NBEA: variants seen among roughly 807,000 people sequenced by gnomAD.
NBEA encodes neurobeachin.
In NBEA, 44 loss-of-function variants were observed where a neutral mutation model predicts 343.4. The ratio of observed to expected loss-of-function variants is 0.13; its 90% CI spans 0.10 to 0.16. The LOEUF (loss-of-function observed/expected upper bound fraction) is 0.16. NBEA is among the 10% of genes least tolerant of loss of function. NBEA has a pLI of 1.00. For missense variants in NBEA, 2,555 were observed against 3,631.3 expected, an observed-to-expected ratio of 0.70 and a Z score of 7.62; for synonymous variants, 1,175 against 1,238.7, an observed-to-expected ratio of 0.95 and a Z score of 1.08.
chr13:35,577,454 T>C (rs1156338111), intron 45 of NBEA, among the ~76,000 whole-genome samples: 1 of 152,222 alleles, frequency 6.6e-6, no homozygotes, highest in East Asian at 1.9e-4. Flanking sequence ...TTGGCATTTA[T>C]TATTCTGTGA....
intron 41 of NBEA, among the ~76,000 whole-genome samples, chr13:35,512,056 C>T (rs1594845933): frequency 6.6e-6 from 1 of 152,122 alleles, no homozygotes; most frequent in African/African-American, 2.4e-5. Context: ...ATATTCTATT[C>T]AGGAATTTTT....
rs760637150 is a variant in NBEA, at chr13:35,668,444, G to C, written c.8738G>C (p.Cys2913Ser). Reference sequence around the variant, plus strand: ...GGGGTAGTAGAGGTCTGGCAGGCCTGTGACTTCAAGCAACTGTACATTTAC... The same window carrying C: ...GGGGTAGTAGAGGTCTGGCAGGCCTCTGACTTCAAGCAACTGTACATTTAC... ...DNGVVEVWQA[C>S]DFKQLYIYPG... The change falls in exon 58 of 59, where the codon TGT becomes TCT. Residue 2913 changes from cysteine (C) to serine (S), a missense_variant. Cys to Ser is a moderately radical substitution (Grantham distance 112). Around this residue, in one of 21 missense-constraint regions of NBEA, gnomAD observed 186 missense variants for 328.9 expected, o/e 0.57. Coordinates refer to ENST00000379939, the MANE Select transcript of NBEA (RefSeq NM_001385012.1). 4.6e-5 allele frequency: 75 copies of C among 1,613,516 alleles called. No homozygotes were observed. Among genetic ancestry groups the C allele is most frequent in the Non-Finnish European group, 5.6e-5 (66 of 1,179,700 alleles).
At chr13:35,635,067 CA>C (rs2083638306) in intron 49 of NBEA, among the ~76,000 whole-genome samples, 1 of 151,934 alleles carries the variant, frequency 6.6e-6, no homozygotes, top group African/African-American at 2.4e-5. Context: ...ATTTATAAGA[CA>C]AAAAATTAAC....
intron 38 of NBEA, among the ~76,000 whole-genome samples, chr13:35,394,386 G>T (rs985747516): frequency 6.6e-6 from 1 of 151,336 alleles, no homozygotes; most frequent in Non-Finnish European, 1.5e-5. Context: ...TGGTGTTAGA[G>T]TAGAGCTTCA....
chr13:35,138,031 G>C (rs1399755686), intron 17 of NBEA, among the ~76,000 whole-genome samples: 1 of 152,006 alleles, frequency 6.6e-6, no homozygotes. Flanking sequence ...CTCATAATTA[G>C]TAGAAAAAAG....
At chr13:35,411,765 A>C (rs890681065) in intron 38 of NBEA, among the ~76,000 whole-genome samples, 1 of 151,948 alleles carries the variant, frequency 6.6e-6, no homozygotes, top group African/African-American at 2.4e-5. Flanking sequence ...CCCAAAGTGC[A>C]AGGATTACAG....
chr13:35,419,679 A>T (rs550606738), intron 38 of NBEA, among the ~76,000 whole-genome samples: 1 of 152,150 alleles, frequency 6.6e-6, no homozygotes, highest in East Asian at 1.9e-4. Flanking sequence ...TGAGTGCCAC[A>T]TTTTTAAATA....
At position 35,254,473 on chromosome 13, in the gene NBEA, A is replaced by T. The variant is rs1340038785; in HGVS notation, c.5776+21854A>T. On this transcript the variant is annotated intron_variant, in intron 34 of 58. Transcript: ENST00000379939. Reference sequence around the variant, plus strand: ...CCTGGGACAACAGGTGTGCACCACCACACTCAGCTAATTTTTTAAAAAATT... The same window carrying T: ...CCTGGGACAACAGGTGTGCACCACCTCACTCAGCTAATTTTTTAAAAAATT... Among the ~76,000 whole-genome samples the T allele has an allele frequency of 6.6e-5, 10 of 151,838 alleles. No individual in the cohort carries two copies. The East Asian group carries it at 1.9e-3, about 30-fold the overall frequency.
intron 38 of NBEA, among the ~76,000 whole-genome samples, chr13:35,387,726 T>G (rs760133807): frequency 4.0e-5 from 6 of 151,562 alleles, no homozygotes; most frequent in Admixed American, 6.6e-5. Flanking sequence ...GTATAATTAC[T>G]TTTTGCTAGG....
intron 30 of NBEA, among the ~76,000 whole-genome samples, chr13:35,193,824 A>G (rs1410896101): frequency 6.6e-6 from 1 of 151,954 alleles, no homozygotes. Context: ...GACCAAACTA[A>G]CAAATAAACA....
chr13:35,514,265 C>T (rs952199339), intron 41 of NBEA, among the ~76,000 whole-genome samples: 3 of 152,094 alleles, frequency 2.0e-5, no homozygotes, highest in Admixed American at 6.5e-5. Context: ...TGTGAAATGA[C>T]GAGGGCTTAC....
intron 17 of NBEA, among the ~76,000 whole-genome samples, chr13:35,126,861 T>G (rs1419952228): frequency 6.8e-6 from 1 of 147,346 alleles, no homozygotes; most frequent in Non-Finnish European, 1.5e-5. Flanking sequence ...GAGGTTGCAA[T>G]GAGCTGAGAC....
chr13:35,559,946 A>G (rs35887595), intron 44 of NBEA, among the ~76,000 whole-genome samples: 8 of 150,694 alleles, frequency 5.3e-5, no homozygotes, highest in Non-Finnish European at 7.4e-5. Flanking sequence ...AAAAAAAAAA[A>G]AAAGAAACAT....
intron 45 of NBEA, among the ~76,000 whole-genome samples, chr13:35,567,870 A>G (rs1032477264): frequency 6.6e-6 from 1 of 152,164 alleles, no homozygotes; most frequent in South Asian, 2.1e-4. Flanking sequence ...CAGCTGATTT[A>G]AAATTAATCC....
chr13:34,971,109 T>TC (rs34460151), intron 1 of NBEA, among the ~76,000 whole-genome samples: 1 of 152,138 alleles, frequency 6.6e-6, no homozygotes, highest in Admixed American at 6.6e-5. Flanking sequence ...TTAGCTGTAT[T>TC]CCCAGGTAAT....
intron 38 of NBEA, among the ~76,000 whole-genome samples, chr13:35,363,487 T>G (rs1369251750): frequency 2.6e-5 from 4 of 151,882 alleles, no homozygotes; most frequent in African/African-American, 9.7e-5. Context: ...CCCTGATTAC[T>G]TCAATTTCCT....
At chr13:35,039,568 A>G (rs1174669252) in intron 1 of NBEA, among the ~76,000 whole-genome samples, 1 of 152,174 alleles carries the variant, frequency 6.6e-6, no homozygotes, top group African/African-American at 2.4e-5. Context: ...ATTCTTCAAC[A>G]TACTTTTAAC....
At chr13:35,366,154 C>T (rs868528829) in intron 38 of NBEA, among the ~76,000 whole-genome samples, 16 of 151,598 alleles carry the variant, frequency 1.1e-4, no homozygotes, top group East Asian at 1.9e-4. Context: ...CTTAATCCTA[C>T]GACCTTGACA....
intron 1 of NBEA, among the ~76,000 whole-genome samples, chr13:34,957,044 T>A (rs113140677): frequency 5.5e-5 from 8 of 144,972 alleles, no homozygotes; most frequent in African/African-American, 2.2e-4. Context: ...CACATATATA[T>A]ACACACACAC....
Sources: allele counts gnomAD v4.1 joint callset (sites outside exome capture counted in the v4.1 genomes callset), GRCh38; gene constraint gnomAD v4.1.1; regional missense constraint gnomAD v4.1.1; transcripts MANE v1.5; gene names NCBI Gene and HGNC (gene_info 2026-07-23, HGNC 2026-07-21).